SLC6A8: variants seen among roughly 807,000 people sequenced by gnomAD.
SLC6A8 encodes sodium- and chloride-dependent creatine transporter 1.
A neutral mutation model predicts 48.3 loss-of-function variants in SLC6A8; 6 were observed. That is an observed-to-expected ratio of 0.12 (90% CI 0.07 to 0.25). The LOEUF (loss-of-function observed/expected upper bound fraction) is 0.25, where lower values mean the gene tolerates loss of function less well. Among genes scored for constraint, SLC6A8 ranks in the 10% least tolerant of loss-of-function variants. The pLI, the probability that SLC6A8 is intolerant of heterozygous loss-of-function variation, is 1.00. For synonymous variants in SLC6A8, 245 were observed against 244.0 expected (o/e 1.00, Z -0.04); for missense variants, 260 against 551.5 (o/e 0.47, Z 5.29).
At chrX:153,689,916 G>A (rs782405263) in intron 1 of SLC6A8, among the ~76,000 whole-genome samples, 13 of 112,706 alleles carry the variant, frequency 1.2e-4, no homozygotes, top group African/African-American at 3.2e-4. Context: ...CACACTTGCA[G>A]GCAAGCGTCC....
Position 153,687,940 on chromosome X carries a change from T to G in SLC6A8, c.-635T>G. ...CCGGGGACGGGGAAGAGAGGGATAG[T>G]CGGAGCGAGGTGGCGAGTCGCTGAG... On this transcript the variant is annotated 5_prime_UTR_variant, in exon 1 of 13. Transcript: ENST00000253122. 1.9e-5 allele frequency: 2 copies of G among 107,235 alleles called. No individual in the cohort carries two copies. Among genetic ancestry groups the G allele is most frequent in the Admixed American group, 9.9e-5 (1 of 10,054 alleles). The allele number at this position is 107,235 out of a possible 1,213,427, so 8.8% of individuals were successfully genotyped here. A position where few individuals can be genotyped will look rare whatever the true frequency, so the allele number is the denominator to read the frequency against.
Position 153,688,673 on chromosome X carries a change from G to A in SLC6A8, c.99G>A (p.Lys33=), listed in dbSNP as rs782436399. The A allele has an allele frequency of 3.7e-6, 4 of 1,084,938 alleles. No homozygotes were observed. The highest frequency in any genetic ancestry group is 2.0e-5 in the African/African-American group (1 of 50,513). The allele number at this position is 1,084,938 out of a possible 1,213,427, so 89.4% of individuals were successfully genotyped here. The change falls in exon 1 of 13, where the codon AAG becomes AAA. Residue 33 remains lysine, a synonymous_variant. Coordinates refer to ENST00000253122, the MANE Select transcript of SLC6A8 (RefSeq NM_005629.4). The part of the protein sequence containing the change: ...IAPGPDGAPA[K]GDGPVGLGTP... ...CCGGGCCCGACGGGGCCCCGGCCAA[G>A]GGCGACGGCCCCGTGGGCCTGGGGA...
At chrX:153,690,914 AT>A (rs2091453033) in intron 2 of SLC6A8, 3 of 174,587 alleles carry the variant, frequency 1.7e-5, no homozygotes, top group African/African-American at 1.1e-4. Flanking sequence ...CACCACCACC[AT>A]CAACACCAGC....
At chrX:153,690,956 G>A in intron 2 of SLC6A8, 1 of 267,237 alleles carries the variant, frequency 3.7e-6, no homozygotes, top group South Asian at 4.0e-5. Flanking sequence ...TGGGTGGCCA[G>A]GCAGAGGCTT....
Position 153,690,345 on chromosome X carries a change from C to T in SLC6A8, c.263-30C>T, listed in dbSNP as rs1436480881. 3.4e-6 allele frequency: 4 copies of T among 1,182,739 alleles called. No homozygotes were observed. In the African/African-American group the frequency reaches 7.0e-5, roughly 21 times the overall value. ...CCTGGGCAGCCTGGCTGGGGGCCACCCTGAGTCCACGCTGTGCCTCCACCC... is the reference window on the plus strand; with the variant it reads ...CCTGGGCAGCCTGGCTGGGGGCCACTCTGAGTCCACGCTGTGCCTCCACCC... On this transcript the variant is annotated intron_variant, in intron 1 of 12. Transcript: ENST00000253122.
chrX:153,693,882 T>G, intron 7 of SLC6A8, 23 bp from the exon 8 acceptor site: 1 of 1,109,263 alleles, frequency 9.0e-7, no homozygotes, highest in Non-Finnish European at 1.2e-6. Flanking sequence ...CTACAAGGTC[T>G]AGAGCCTGCA....
rs1557045380 is a variant in SLC6A8, at chrX:153,694,151, A to C, written c.1276A>C (p.Ile426Leu). Residue 426 changes from isoleucine (I) to leucine (L), a missense_variant, in exon 9 of 13, where the codon ATC (isoleucine) becomes CTC (leucine). This residue lies in a region of SLC6A8 where 75 missense variants were observed against 248.8 expected (regional missense o/e 0.30). Coordinates refer to ENST00000253122, the MANE Select transcript of SLC6A8 (RefSeq NM_005629.4). The part of the protein sequence containing the change: ...DSQFVGVEGF[I>L]TGLLDLLPAS... ...ACAGTTTGTAGGTGTGGAGGGCTTC[A>C]TCACCGGCCTCCTCGACCTCCTCCC... is the stretch of plus-strand genomic sequence containing the variant. 8.3e-7 allele frequency: 1 copy of C among 1,210,518 alleles called. No homozygotes were observed. The highest frequency in any genetic ancestry group is 3.0e-5 in the East Asian group (1 of 33,849).
At position 153,696,455 on chromosome X, in the gene SLC6A8, C is replaced by G. The variant is rs782673650; in HGVS notation, c.*1241C>G. The G allele has an allele frequency of 8.2e-5, 27 of 330,460 alleles. No homozygotes were observed. In the East Asian group the frequency reaches 2.6e-3, roughly 32 times the overall value. The allele number at this position is 330,460 out of a possible 1,213,427, so 27.2% of individuals were successfully genotyped here. On this transcript the variant is annotated 3_prime_UTR_variant, in exon 13 of 13. Transcript: ENST00000253122. ...CAGTCCCGAGACGGCTGAGTGACCC[C>G]AAGAAAGGCTTCCCCGACACCCAGA...
At chrX:153,692,670 C>A in intron 4 of SLC6A8, 1 of 353,252 alleles carries the variant, frequency 2.8e-6, no homozygotes, top group South Asian at 2.6e-5. Context: ...GAGGGGGACC[C>A]GACCCGGATC....
chrX:153,691,299 C>A lies in SLC6A8; in HGVS notation c.395-5C>A, dbSNP rs2148360956. The A allele has an allele frequency of 8.4e-7, 1 of 1,192,808 alleles. No individual in the cohort carries two copies. The highest frequency in any genetic ancestry group is 1.1e-6 in the Non-Finnish European group (1 of 886,207). ...ATCTACATGGCAAGGACTTCCCGGC[C>A]CCAGGCCTGGGCTACGCCTCCATGG... On this transcript the variant is annotated splice_region_variant and splice_polypyrimidine_tract_variant and intron_variant, in intron 2 of 12. Coordinates refer to ENST00000253122, the MANE Select transcript of SLC6A8 (RefSeq NM_005629.4).
rs1557043863 is a variant in SLC6A8 at position 153,688,839 on chromosome X, G to A, written c.262+3G>A. The A allele has an allele frequency of 4.6e-6, 5 of 1,094,964 alleles. No individual in the cohort carries two copies. The highest frequency in any genetic ancestry group is 6.0e-6 in the Non-Finnish European group (5 of 829,769). The allele number at this position is 1,094,964 out of a possible 1,213,427, so 90.2% of individuals were successfully genotyped here. A position where few individuals can be genotyped will look rare whatever the true frequency, so the allele number is the denominator to read the frequency against. On this transcript the variant is annotated splice_donor_region_variant and intron_variant, in intron 1 of 12. Transcript: ENST00000253122. ...CCTGTGCTACAAGAACGGCGGAGGT[G>A]AGTTCCCCCGCCCGCCGCGGCCTCC...
In SLC6A8 at chrX:153,695,330, G is replaced by A. The variant is rs3850325; in HGVS notation, c.*116G>A. ...CTGACACTTTTGGGGTCTGCCTGGG[G>A]GAGGAGGGGAGAAAGCACCATGAGT... On this transcript the variant is annotated 3_prime_UTR_variant, in exon 13 of 13. Transcript: ENST00000253122. 3 of 770,675 alleles carry A rather than the reference G, an allele frequency of 3.9e-6. No individual in the cohort carries two copies. The highest frequency in any genetic ancestry group is 4.1e-5 in the African/African-American group (2 of 48,265). The allele number at this position is 770,675 out of a possible 1,213,427, so 63.5% of individuals were successfully genotyped here.
Position 153,688,282 on chromosome X carries a change from C to A in SLC6A8, c.-293C>A, listed in dbSNP as rs2091432998. ...CAGGAGCCTCGGGAGCCGCCGCCGC[C>A]GCCGCCGCCGCCCGGCCGGGCCCCG... On this transcript the variant is annotated 5_prime_UTR_variant, in exon 1 of 13. Transcript: ENST00000253122. 2 of 103,333 alleles carry A rather than the reference C, an allele frequency of 1.9e-5. No homozygotes were observed. The highest frequency in any genetic ancestry group is 6.6e-4 in the South Asian group (2 of 3,038). 8.5% of individuals were successfully genotyped at this position (103,333 alleles called of 1,213,427 possible).
chrX:153,694,627 C>T lies in SLC6A8; in HGVS notation c.1590C>T (p.Val530=), dbSNP rs1172858968. The change falls in exon 11 of 13, where the codon GTC becomes GTT. Residue 530 remains valine (V), a synonymous_variant. Transcript: ENST00000253122. ...GCTGGTCCTTCTTCACCCCGCTGGT[C>T]TGCATGGTAAGGGCTGGGGGAGGTG... The part of the protein sequence containing the change: ...KWCWSFFTPL[V]CMGIFIFNVV... The T allele has an allele frequency of 9.7e-7, 1 of 1,035,265 alleles. No individual in the cohort carries two copies. The highest frequency in any genetic ancestry group is 1.9e-5 in the South Asian group (1 of 54,053). The allele number at this position is 1,035,265 out of a possible 1,213,427, so 85.3% of individuals were successfully genotyped here. A position where few individuals can be genotyped will look rare whatever the true frequency, so the allele number is the denominator to read the frequency against.
intron 2 of SLC6A8, chrX:153,690,819 A>G (rs2091451179): frequency 6.7e-6 from 2 of 299,604 alleles, no homozygotes; most frequent in Non-Finnish European, 1.2e-5. Context: ...TGGGGCACAG[A>G]CAGGTGGAGC....
chrX:153,695,278 G>A lies in SLC6A8; in HGVS notation c.*64G>A. 5.4e-6 allele frequency: 6 copies of A among 1,101,921 alleles called. No individual in the cohort carries two copies. Among genetic ancestry groups the A allele is most frequent in the East Asian group, 3.3e-5 (1 of 30,625 alleles). The allele number at this position is 1,101,921 out of a possible 1,213,427, so 90.8% of individuals were successfully genotyped here. A position where few individuals can be genotyped will look rare whatever the true frequency, so the allele number is the denominator to read the frequency against. On this transcript the variant is annotated 3_prime_UTR_variant, in exon 13 of 13. Coordinates refer to ENST00000253122, the MANE Select transcript of SLC6A8 (RefSeq NM_005629.4). ...TAGCAGCCCCTGCTTCAGCCCCACCGCACCCCTCCAGGGGGCCTGCCTTTC... is the reference window on the plus strand; with the variant it reads ...TAGCAGCCCCTGCTTCAGCCCCACCACACCCCTCCAGGGGGCCTGCCTTTC...
At chrX:153,692,340 C>T (rs1557044649) in intron 4 of SLC6A8, 5 of 458,200 alleles carry the variant, frequency 1.1e-5, no homozygotes, top group African/African-American at 7.2e-5. Flanking sequence ...CCATCACCCC[C>T]ACTGGTGCCC....
chrX:153,688,634 C>T lies in SLC6A8; in HGVS notation c.60C>T (p.Gly20=), dbSNP rs2091436432. The change falls in exon 1 of 13, where the codon GGC becomes GGT. Residue 20 remains glycine, a synonymous_variant. Coordinates refer to ENST00000253122, the MANE Select transcript of SLC6A8 (RefSeq NM_005629.4). ...IYSVSGDEKK[G]PLIAPGPDGA... is the part of the protein sequence containing the mutation. ...GCGTGTCCGGCGACGAGAAGAAGGG[C>T]CCCCTCATCGCGCCCGGGCCCGACG... is the stretch of plus-strand genomic sequence containing the variant. 3 of 1,076,076 alleles carry T rather than the reference C, an allele frequency of 2.8e-6. No homozygotes were observed. Among genetic ancestry groups the T allele is most frequent in the African/African-American group, 4.0e-5 (2 of 49,929 alleles). 88.7% of individuals were successfully genotyped at this position (1,076,076 alleles called of 1,213,427 possible). A position where few individuals can be genotyped will look rare whatever the true frequency, so the allele number is the denominator to read the frequency against.
At position 153,696,397 on chromosome X, in the gene SLC6A8, T is replaced by C; in HGVS notation, c.*1183T>C. Reference sequence around the variant, plus strand: ...CTTCCCGCACCTCCAGTCTTCTGTGTAGCAGCTTTAACCCACGTTTGTCTG... The same window carrying C: ...CTTCCCGCACCTCCAGTCTTCTGTGCAGCAGCTTTAACCCACGTTTGTCTG... On this transcript the variant is annotated 3_prime_UTR_variant, in exon 13 of 13. Transcript: ENST00000253122. 2 of 331,496 alleles carry C rather than the reference T, an allele frequency of 6.0e-6. No homozygotes were observed. The highest frequency in any genetic ancestry group is 5.2e-5 in the South Asian group (2 of 38,558). The allele number at this position is 331,496 out of a possible 1,213,427, so 27.3% of individuals were successfully genotyped here.
Sources: allele counts gnomAD v4.1 joint callset (sites outside exome capture counted in the v4.1 genomes callset), GRCh38; gene constraint gnomAD v4.1.1; regional missense constraint gnomAD v4.1.1; transcripts MANE v1.5; gene names NCBI Gene and HGNC (gene_info 2026-07-23, HGNC 2026-07-21).